ADARB2: variants seen among roughly 807,000 people sequenced by gnomAD.
ADARB2 encodes inactive double-stranded RNA-specific editase B2.
Under a neutral mutation model 62.2 loss-of-function variants are expected in ADARB2, and 25 were observed. That is an observed-to-expected ratio of 0.40 (90% confidence interval 0.29 to 0.56). The LOEUF (loss-of-function observed/expected upper bound fraction) is 0.56. Among genes scored for constraint, ADARB2 ranks in the 20% least tolerant of loss-of-function variants. The probability of loss-of-function intolerance (pLI) is 0.43; values close to 1 mark genes in which losing one functional copy is unlikely to be tolerated. For missense variants in ADARB2, 1,071 were observed against 1,077.4 expected, an observed-to-expected ratio of 0.99 and a Z score of 0.08; for synonymous variants, 572 against 500.8, an observed-to-expected ratio of 1.14 and a Z score of -1.90.
At chr10:1,611,633 C>T (rs1186736313) in intron 1 of ADARB2, among the ~76,000 whole-genome samples, 1 of 152,136 alleles carries the variant, frequency 6.6e-6, no homozygotes, top group Non-Finnish European at 1.5e-5. Context: ...CATTGATGTT[C>T]CTAATACGGG....
At chr10:1,687,020 T>A (rs544666372) in intron 1 of ADARB2, among the ~76,000 whole-genome samples, 1 of 149,194 alleles carries the variant, frequency 6.7e-6, no homozygotes, top group South Asian at 2.1e-4. Context: ...CCATGGGTCA[T>A]GACATTGCCT....
At chr10:1,598,069 G>C (rs1036076520) in intron 1 of ADARB2, among the ~76,000 whole-genome samples, 1 of 152,240 alleles carries the variant, frequency 6.6e-6, no homozygotes, top group Non-Finnish European at 1.5e-5. Flanking sequence ...GCTAAACAGT[G>C]AGTACCCATG....
intron 1 of ADARB2, among the ~76,000 whole-genome samples, chr10:1,589,814 C>G (rs1833228862): frequency 1.3e-5 from 2 of 152,222 alleles, no homozygotes; most frequent in Non-Finnish European, 1.5e-5. Context: ...GCTGGGATTA[C>G]AGGTGCCTGC....
chr10:1,715,344 A>G (rs759371283), intron 1 of ADARB2, among the ~76,000 whole-genome samples: 14 of 152,152 alleles, frequency 9.2e-5, no homozygotes, highest in Admixed American at 1.3e-4. Context: ...ATCCTGTGAA[A>G]TTCTTTTTGG....
intron 7 of ADARB2, among the ~76,000 whole-genome samples, chr10:1,204,863 C>T (rs962284680): frequency 1.3e-5 from 2 of 152,198 alleles, no homozygotes; most frequent in Non-Finnish European, 2.9e-5. Flanking sequence ...TTCGTCCCTT[C>T]GCCAGCAGCT....
intron 3 of ADARB2, among the ~76,000 whole-genome samples, chr10:1,355,240 C>T (rs897121695): frequency 1.3e-5 from 2 of 152,182 alleles, no homozygotes; most frequent in South Asian, 2.1e-4. Flanking sequence ...AAATCATAGA[C>T]CTCTATTTTA....
chr10:1,282,618 G>A (rs1831380266), intron 3 of ADARB2, among the ~76,000 whole-genome samples: 1 of 152,160 alleles, frequency 6.6e-6, no homozygotes, highest in Admixed American at 6.5e-5. Context: ...GTCAACTTTG[G>A]TTACTGCAAA....
chr10:1,569,879 A>G (rs1438236903), intron 1 of ADARB2, among the ~76,000 whole-genome samples: 1 of 152,142 alleles, frequency 6.6e-6, no homozygotes. Flanking sequence ...TTATCCCTAC[A>G]TTTTTATACT....
chr10:1,592,194 C>T (rs1485656345), intron 1 of ADARB2, among the ~76,000 whole-genome samples: 2 of 152,192 alleles, frequency 1.3e-5, no homozygotes, highest in Admixed American at 6.5e-5. Flanking sequence ...CAGATGCCCT[C>T]GCAAGTATAA....
At chr10:1,196,094 C>G (rs1163889097) in intron 8 of ADARB2, among the ~76,000 whole-genome samples, 1 of 152,162 alleles carries the variant, frequency 6.6e-6, no homozygotes, top group African/African-American at 2.4e-5. Flanking sequence ...GAGCCCTTCT[C>G]CCAGCTCCAT....
chr10:1,317,161 A>G (rs1831747148), intron 3 of ADARB2, among the ~76,000 whole-genome samples: 1 of 152,146 alleles, frequency 6.6e-6, no homozygotes, highest in Non-Finnish European at 1.5e-5. Context: ...CTTTTAGCCG[A>G]TTTTTATGTT....
intron 1 of ADARB2, among the ~76,000 whole-genome samples, chr10:1,597,094 G>A (rs1160231408): frequency 6.6e-6 from 1 of 152,162 alleles, no homozygotes; most frequent in Non-Finnish European, 1.5e-5. Context: ...ACAGAGCATG[G>A]AATAATTATA....
Position 1,181,543 on chromosome 10 carries a change from C to T in ADARB2, c.*1650G>A, listed in dbSNP as rs1836675448. On this transcript the variant is annotated 3_prime_UTR_variant, in exon 10 of 10. Coordinates refer to ENST00000381312, the MANE Select transcript of ADARB2 (RefSeq NM_018702.4). ...TAAATCCCAGGAAAAGTTTCTTTTT[C>T]CATACTAATATCTCTACTTCTTATT... The T allele has an allele frequency of 6.6e-6, 1 of 152,200 alleles. No individual in the cohort carries two copies. The highest frequency in any genetic ancestry group is 2.4e-5 in the African/African-American group (1 of 41,438). 9.4% of individuals were successfully genotyped at this position (152,200 alleles called of 1,614,324 possible). A position where few individuals can be genotyped will look rare whatever the true frequency, so the allele number is the denominator to read the frequency against.
chr10:1,652,525 G>A (rs941758384), intron 1 of ADARB2, among the ~76,000 whole-genome samples: 1 of 152,270 alleles, frequency 6.6e-6, no homozygotes, highest in Non-Finnish European at 1.5e-5. Flanking sequence ...AAACTTCCTC[G>A]GGGGGCAAAT....
At chr10:1,669,627 AAC>A (rs528997434) in intron 1 of ADARB2, among the ~76,000 whole-genome samples, 1 of 141,022 alleles carries the variant, frequency 7.1e-6, no homozygotes, top group Non-Finnish European at 1.6e-5. Flanking sequence ...CACAGACACA[AAC>A]ACACACAGAC....
intron 1 of ADARB2, among the ~76,000 whole-genome samples, chr10:1,627,596 C>T (rs576778012): frequency 3.7e-4 from 57 of 152,274 alleles, no homozygotes; most frequent in Middle Eastern, 6.8e-3. Context: ...TGACATCTAA[C>T]GTTCCTAGAT....
At chr10:1,327,772 T>TCAGCGCCTCCCCACAGCA (rs1362364046) in intron 3 of ADARB2, among the ~76,000 whole-genome samples, 2 of 64,842 alleles carry the variant, frequency 3.1e-5, no homozygotes, top group South Asian at 5.1e-4. Context: ...TCCTCACAGC[T>TCAGCGCCTCCCCACAGCA]CAGCGCCTCC....
chr10:1,317,757 G>T (rs992836973), intron 3 of ADARB2, among the ~76,000 whole-genome samples: 1 of 148,572 alleles, frequency 6.7e-6, no homozygotes, highest in Non-Finnish European at 1.5e-5. Context: ...AGGCCTGGGG[G>T]GGGGTGGGTC....
intron 1 of ADARB2, among the ~76,000 whole-genome samples, chr10:1,395,771 G>A (rs1010066055): frequency 6.6e-6 from 1 of 152,188 alleles, no homozygotes; most frequent in African/African-American, 2.4e-5. Flanking sequence ...AGGGTGGGGG[G>A]CTGCCCTCCT....
Sources: allele counts gnomAD v4.1 joint callset (sites outside exome capture counted in the v4.1 genomes callset), GRCh38; gene constraint gnomAD v4.1.1; transcripts MANE v1.5; gene names NCBI Gene and HGNC (gene_info 2026-07-23, HGNC 2026-07-21).